ANKRD6: variants seen among roughly 807,000 people sequenced by gnomAD.
ANKRD6 encodes the protein ankyrin repeat domain 6.
Under a neutral mutation model 82.3 loss-of-function variants are expected in ANKRD6, and 56 were observed. The ratio of observed to expected loss-of-function variants is 0.68; its 90% CI spans 0.55 to 0.85. The LOEUF is 0.85. Ranked by LOEUF, ANKRD6 falls within the 40% of genes least tolerant of loss-of-function variation. ANKRD6 has a pLI of 0.00. For synonymous variants in ANKRD6, 347 were observed against 352.1 expected, an observed-to-expected ratio of 0.99 and a Z score of 0.16; for missense variants, 852 against 907.6, an observed-to-expected ratio of 0.94 and a Z score of 0.79.
intron 1 of ANKRD6, among the ~76,000 whole-genome samples, chr6:89,524,367 C>T (rs1261682058): frequency 6.6e-6 from 1 of 152,076 alleles, no homozygotes; most frequent in Admixed American, 6.5e-5. Flanking sequence ...TCCTTAGCTC[C>T]CACTTACAAG....
intron 5 of ANKRD6, among the ~76,000 whole-genome samples, chr6:89,608,368 C>CACACACACTATATATATATATATATATA: frequency 4.6e-5 from 6 of 130,748 alleles, no homozygotes; most frequent in African/African-American, 1.8e-4. Context: ...CACACACACA[C>CACACACACTATATATATATATATATATA]TATATATATA....
At chr6:89,457,591 C>A (rs1011601350) in intron 1 of ANKRD6, among the ~76,000 whole-genome samples, 1 of 152,174 alleles carries the variant, frequency 6.6e-6, no homozygotes, top group African/African-American at 2.4e-5. Flanking sequence ...ATATATTTAT[C>A]TATTAATAGA....
chr6:89,440,400 C>T (rs1160123200), intron 1 of ANKRD6, among the ~76,000 whole-genome samples: 1 of 152,190 alleles, frequency 6.6e-6, no homozygotes, highest in Non-Finnish European at 1.5e-5. Flanking sequence ...CCTCTGGTGC[C>T]TTCTCTAGGC....
chr6:89,479,450 C>G (rs1212847181), intron 1 of ANKRD6, among the ~76,000 whole-genome samples: 8 of 152,150 alleles, frequency 5.3e-5, no homozygotes, highest in Admixed American at 5.2e-4. Flanking sequence ...ATGGAGCTTT[C>G]CTGGCTCATT....
chr6:89,518,752 C>G (rs1415725011), intron 1 of ANKRD6, among the ~76,000 whole-genome samples: 1 of 152,166 alleles, frequency 6.6e-6, no homozygotes, highest in East Asian at 1.9e-4. Context: ...TCTTTTCAGT[C>G]AAGCCAGGGG....
intron 9 of ANKRD6, 77 bp downstream of exon 9, chr6:89,618,108 T>G (rs753931691): frequency 2.0e-6 from 3 of 1,479,702 alleles, no homozygotes; most frequent in Non-Finnish European, 2.8e-6. Context: ...TGCAATCTAC[T>G]GAAGCCTCTT....
At chr6:89,437,167 G>A (rs1187491170) in intron 1 of ANKRD6, among the ~76,000 whole-genome samples, 8 of 152,080 alleles carry the variant, frequency 5.3e-5, no homozygotes, top group African/African-American at 1.2e-4. Context: ...GTTAGTAAGC[G>A]CTATAAGGAA....
In ANKRD6 at chr6:89,616,646, A is replaced by G. The variant is rs535369593; in HGVS notation, c.703A>G (p.Ile235Val). The G allele has an allele frequency of 4.3e-6, 7 of 1,614,006 alleles. No individual in the cohort carries two copies. The Admixed American group carries it at 1.0e-4, about 23-fold the overall frequency. ...ILLEAGADTTIVNNAGQTPLE... is the reference protein window; with the variant it reads ...ILLEAGADTTVVNNAGQTPLE... Reference sequence around the variant, plus strand: ...ACTGGAAGCCGGAGCAGATACGACCATTGTTAACAATGTAAGTTGAGTTGC... The same window carrying G: ...ACTGGAAGCCGGAGCAGATACGACCGTTGTTAACAATGTAAGTTGAGTTGC... Residue 235 changes from isoleucine (I) to valine (V), a missense_variant, in exon 8 of 16, where the codon ATT becomes GTT. Ile to Val is a conservative substitution (Grantham distance 29). Coordinates refer to ENST00000339746, the MANE Select transcript of ANKRD6 (RefSeq NM_001242809.2).
chr6:89,628,944 T>C (rs1043788286), intron 14 of ANKRD6, 168 bp from the exon 15 acceptor site: 28 of 694,388 alleles, frequency 4.0e-5, no homozygotes, highest in Non-Finnish European at 5.8e-5. Flanking sequence ...AGGGGTCAAA[T>C]ATCCAAACCA....
intron 1 of ANKRD6, among the ~76,000 whole-genome samples, chr6:89,436,781 T>C (rs866727008): frequency 6.6e-6 from 1 of 152,248 alleles, no homozygotes. Context: ...GGTGCCCCAC[T>C]GCTGGACTGT....
intron 1 of ANKRD6, among the ~76,000 whole-genome samples, chr6:89,556,615 C>G (rs933827447): frequency 4.6e-5 from 7 of 152,200 alleles, no homozygotes; most frequent in African/African-American, 1.7e-4. Context: ...TAGCAACATT[C>G]AGTTAGAGAC....
chr6:89,442,566 T>C (rs1771532416), intron 1 of ANKRD6, among the ~76,000 whole-genome samples: 2 of 144,348 alleles, frequency 1.4e-5, no homozygotes, highest in Admixed American at 1.5e-4. Context: ...GAGACTCCAG[T>C]GAGCCAAGAC....
intron 1 of ANKRD6, among the ~76,000 whole-genome samples, chr6:89,547,543 A>C (rs753541879): frequency 1.4e-4 from 22 of 152,158 alleles, no homozygotes; most frequent in Non-Finnish European, 2.8e-4. Context: ...GGGCTCCCTG[A>C]CAGCAGCTGC....
rs558508466 is a variant in ANKRD6, at chr6:89,453,373, C to G, written c.-144+19998C>G. The stretch of plus-strand genomic sequence containing the variant: ...TATACCCTGTAATTTAAAACATTAG[C>G]AACATTAGAATAAAAGGTTTTATTT... On this transcript the variant is annotated intron_variant, in intron 1 of 15. Transcript: ENST00000339746. 5.9e-5 allele frequency among the ~76,000 whole-genome samples: 9 copies of G among 152,280 alleles called. No homozygotes were observed. The South Asian group carries it at 1.9e-3, about 32-fold the overall frequency.
chr6:89,440,878 C>G (rs1247832824), intron 1 of ANKRD6, among the ~76,000 whole-genome samples: 1 of 151,968 alleles, frequency 6.6e-6, no homozygotes, highest in Non-Finnish European at 1.5e-5. Flanking sequence ...AGCTTGATGC[C>G]TGTTTCATTC....
chr6:89,449,388 T>C (rs1772526316), intron 1 of ANKRD6, among the ~76,000 whole-genome samples: 1 of 152,124 alleles, frequency 6.6e-6, no homozygotes, highest in Non-Finnish European at 1.5e-5. Flanking sequence ...AGGAGTTGCT[T>C]TTTATGGATG....
At chr6:89,464,084 T>C (rs931995430) in intron 1 of ANKRD6, among the ~76,000 whole-genome samples, 3 of 152,174 alleles carry the variant, frequency 2.0e-5, no homozygotes, top group Admixed American at 2.0e-4. Context: ...TAATAAGATC[T>C]GGAATAACAA....
chr6:89,450,144 C>G (rs1772627023), intron 1 of ANKRD6, among the ~76,000 whole-genome samples: 1 of 152,000 alleles, frequency 6.6e-6, no homozygotes, highest in Non-Finnish European at 1.5e-5. Context: ...CCAGACCAGC[C>G]TGGCCAGCGT....
chr6:89,439,422 GAAAGTA>G (rs1485359308), intron 1 of ANKRD6, among the ~76,000 whole-genome samples: 1 of 152,134 alleles, frequency 6.6e-6, no homozygotes, highest in Non-Finnish European at 1.5e-5. Flanking sequence ...GCTCTTAAGG[GAAAGTA>G]AAATTGTAAA....
Sources: gnomAD v4.1 joint callset for allele counts (sites outside exome capture counted in the v4.1 genomes callset) on GRCh38, gnomAD v4.1.1 for gene constraint, MANE v1.5 for transcripts, NCBI Gene and HGNC (gene_info 2026-07-23, HGNC 2026-07-21) for gene names.